SEZ6L: variants seen among roughly 807,000 people sequenced by gnomAD.
SEZ6L encodes the protein seizure 6-like protein.
A neutral mutation model predicts 106.2 loss-of-function variants in SEZ6L; 37 were observed. The observed-to-expected ratio is 0.35, with a 90% CI of 0.27 to 0.46. The LOEUF (loss-of-function observed/expected upper bound fraction) is 0.46, where lower values mean the gene tolerates loss of function less well. Ranked by LOEUF, SEZ6L falls within the 20% of genes least tolerant of loss-of-function variation. SEZ6L has a pLI of 1.00. For synonymous variants in SEZ6L, 541 were observed against 570.4 expected, an observed-to-expected ratio of 0.95 and a Z score of 0.73; for missense variants, 1,172 against 1,332.8, an observed-to-expected ratio of 0.88 and a Z score of 1.88.
chr22:26,317,918 A>G (rs1170073896), intron 9 of SEZ6L, among the ~76,000 whole-genome samples: 2 of 152,124 alleles, frequency 1.3e-5, no homozygotes, highest in Non-Finnish European at 2.9e-5. Flanking sequence ...AATCAAGGGT[A>G]GTTGCAAATC....
chr22:26,182,028 T>C (rs1276583744), intron 1 of SEZ6L, among the ~76,000 whole-genome samples: 1 of 152,152 alleles, frequency 6.6e-6, no homozygotes, highest in Non-Finnish European at 1.5e-5. Context: ...TGAAAGCCTT[T>C]CTCCCCTCTA....
intron 1 of SEZ6L, among the ~76,000 whole-genome samples, chr22:26,280,916 T>C (rs1390450278): frequency 1.3e-5 from 2 of 152,226 alleles, no homozygotes; most frequent in African/African-American, 2.4e-5. Flanking sequence ...AGAACACTTA[T>C]AATCTAATCT....
intron 1 of SEZ6L, among the ~76,000 whole-genome samples, chr22:26,275,459 C>A (rs2040372053): frequency 6.6e-6 from 1 of 152,132 alleles, no homozygotes; most frequent in South Asian, 2.1e-4. Flanking sequence ...CAGGATGTAA[C>A]CCCATCATAA....
At chr22:26,232,219 AC>A (rs1476829164) in intron 1 of SEZ6L, among the ~76,000 whole-genome samples, 2 of 152,110 alleles carry the variant, frequency 1.3e-5, no homozygotes, top group African/African-American at 4.8e-5. Flanking sequence ...CAACTATAGC[AC>A]CAGGAAAAGT....
Position 26,340,624 on chromosome 22 carries a change from A to G in SEZ6L, c.2204A>G (p.Asn735Ser). The G allele has an allele frequency of 6.2e-7, 1 of 1,613,070 alleles. No homozygotes were observed. Among genetic ancestry groups the G allele is most frequent in the Middle Eastern group, 1.7e-4 (1 of 6,060 alleles). ...GGAAAGGGCCAGGGATTTATCATGA[A>G]CTACATAGGTAGGTGTCTCATCTGG... ...IFGKGQGFIM[N>S]YIEVSRNDSC... is the part of the protein sequence containing the mutation. Residue 735 changes from asparagine to serine, a missense_variant, in exon 10 of 17, where the codon AAC becomes AGC. Coordinates refer to ENST00000248933, the MANE Select transcript of SEZ6L (RefSeq NM_021115.5).
At chr22:26,257,105 G>A (rs2079847982) in intron 1 of SEZ6L, among the ~76,000 whole-genome samples, 1 of 152,170 alleles carries the variant, frequency 6.6e-6, no homozygotes, top group Non-Finnish European at 1.5e-5. Flanking sequence ...TGGGGTTACT[G>A]CTGGCATCTA....
chr22:26,300,300 C>A (rs1017663391), intron 5 of SEZ6L, among the ~76,000 whole-genome samples: 3 of 152,096 alleles, frequency 2.0e-5, no homozygotes, highest in African/African-American at 7.2e-5. Flanking sequence ...GCTATCCCTC[C>A]CCCCTCTCCC....
chr22:26,325,582 T>A (rs1310434057), intron 9 of SEZ6L, among the ~76,000 whole-genome samples: 3 of 152,194 alleles, frequency 2.0e-5, no homozygotes, highest in Admixed American at 2.0e-4. Flanking sequence ...GGAGACACTC[T>A]GGAAAGATCT....
At chr22:26,234,623 G>A (rs1318494917) in intron 1 of SEZ6L, among the ~76,000 whole-genome samples, 1 of 152,214 alleles carries the variant, frequency 6.6e-6, no homozygotes, top group Non-Finnish European at 1.5e-5. Context: ...CTCTATGCCT[G>A]GGCATCTCAG....
At chr22:26,330,834 G>A (rs2082457231) in intron 9 of SEZ6L, among the ~76,000 whole-genome samples, 1 of 152,130 alleles carries the variant, frequency 6.6e-6, no homozygotes, top group Non-Finnish European at 1.5e-5. Context: ...GAAGTTTAAT[G>A]TGCAAACCAT....
chr22:26,355,705 G>T (rs2083417135), intron 12 of SEZ6L, among the ~76,000 whole-genome samples: 1 of 152,196 alleles, frequency 6.6e-6, no homozygotes, highest in Non-Finnish European at 1.5e-5. Context: ...ACTCCAGCCT[G>T]GGCAACAGAG....
chr22:26,231,286 A>G (rs1236959929), intron 1 of SEZ6L, among the ~76,000 whole-genome samples: 1 of 152,208 alleles, frequency 6.6e-6, no homozygotes, highest in African/African-American at 2.4e-5. Context: ...TGCCATGGAA[A>G]GGGACAGTAA....
At chr22:26,194,919 C>T (rs1940478732) in intron 1 of SEZ6L, among the ~76,000 whole-genome samples, 1 of 152,112 alleles carries the variant, frequency 6.6e-6, no homozygotes, top group Non-Finnish European at 1.5e-5. Flanking sequence ...TATTTTAATC[C>T]AAACCAAGTT....
At chr22:26,336,404 T>C (rs1053956824) in intron 9 of SEZ6L, among the ~76,000 whole-genome samples, 3 of 152,198 alleles carry the variant, frequency 2.0e-5, no homozygotes, top group African/African-American at 7.2e-5. Context: ...TCCCTTCTTC[T>C]TGTCTCATTT....
chr22:26,190,965 A>G (rs2145655576), intron 1 of SEZ6L, among the ~76,000 whole-genome samples: 1 of 152,338 alleles, frequency 6.6e-6, no homozygotes, highest in East Asian at 1.9e-4. Context: ...CAGACCCAAC[A>G]CTGCCATTTA....
At chr22:26,278,176 C>G (rs1391382542) in intron 1 of SEZ6L, among the ~76,000 whole-genome samples, 1 of 152,194 alleles carries the variant, frequency 6.6e-6, no homozygotes, top group African/African-American at 2.4e-5. Flanking sequence ...AACGATCTCT[C>G]TGGCTGCTGC....
chr22:26,361,142 A>G (rs1324348081), intron 12 of SEZ6L, among the ~76,000 whole-genome samples: 1 of 152,130 alleles, frequency 6.6e-6, no homozygotes, highest in Admixed American at 6.5e-5. Flanking sequence ...TATTATTTAG[A>G]GTGAGGCTAA....
At position 26,202,105 on chromosome 22, in the gene SEZ6L, G is replaced by T. The variant is rs545992423; in HGVS notation, c.94+32342G>T. 2.0e-5 allele frequency among the ~76,000 whole-genome samples: 3 copies of T among 151,938 alleles called. No individual in the cohort carries two copies. In the South Asian group the frequency reaches 6.2e-4, roughly 32 times the overall value. ...ATTTTTTTGTATTTTTAGTAGAGAC[G>T]GGGTTTCACTGTGTTAGCCAGGATA... On this transcript the variant is annotated intron_variant, in intron 1 of 16. Coordinates refer to ENST00000248933, the MANE Select transcript of SEZ6L (RefSeq NM_021115.5).
At chr22:26,257,336 G>GA (rs544144458) in intron 1 of SEZ6L, among the ~76,000 whole-genome samples, 28 of 152,082 alleles carry the variant, frequency 1.8e-4, no homozygotes, top group Middle Eastern at 3.4e-3. Flanking sequence ...TGGATCTGGG[G>GA]AAAAAATCCC....
Sources: gnomAD v4.1 joint callset for allele counts (sites outside exome capture counted in the v4.1 genomes callset) on GRCh38, gnomAD v4.1.1 for gene constraint, MANE v1.5 for transcripts, NCBI Gene and HGNC (gene_info 2026-07-23, HGNC 2026-07-21) for gene names.